Variants in ADAMTS12 observed in about 807,000 individuals in gnomAD.
ADAMTS12 encodes the protein A disintegrin and metalloproteinase with thrombospondin motifs 12.
ADAMTS12 carries 118 observed loss-of-function variants against 167.8 expected under a neutral mutation model. The observed-to-expected ratio is 0.70, with a 90% CI of 0.61 to 0.82. The LOEUF is 0.82. ADAMTS12 is among the 40% of genes least tolerant of loss of function. ADAMTS12 has a pLI of 0.00. For synonymous variants in ADAMTS12, 704 were observed against 716.9 expected (o/e 0.98, Z 0.29); for missense variants, 1,916 against 1,998.8 (o/e 0.96, Z 0.79).
At chr5:33,844,442 T>G (rs1352890453) in intron 2 of ADAMTS12, among the ~76,000 whole-genome samples, 2 of 152,156 alleles carry the variant, frequency 1.3e-5, no homozygotes, top group Non-Finnish European at 2.9e-5. Context: ...AAATGGCCCC[T>G]TTGGGTATGG....
chr5:33,812,681 C>T (rs1747505379), intron 2 of ADAMTS12, among the ~76,000 whole-genome samples: 1 of 152,210 alleles, frequency 6.6e-6, no homozygotes, highest in African/African-American at 2.4e-5. Flanking sequence ...GAATCATCCA[C>T]ATTGTTAAAT....
chr5:33,619,644 T>C (rs1739208024), intron 14 of ADAMTS12, among the ~76,000 whole-genome samples: 1 of 152,190 alleles, frequency 6.6e-6, no homozygotes, highest in Non-Finnish European at 1.5e-5. Context: ...AGTTGTCATA[T>C]AATAACTTTG....
intron 3 of ADAMTS12, among the ~76,000 whole-genome samples, chr5:33,715,706 A>G (rs775935140): frequency 6.6e-6 from 1 of 152,166 alleles, no homozygotes; most frequent in Non-Finnish European, 1.5e-5. Context: ...TGAATCCCAC[A>G]AAGAACGCAA....
intron 2 of ADAMTS12, among the ~76,000 whole-genome samples, chr5:33,835,978 G>A (rs1390905841): frequency 1.5e-5 from 2 of 137,526 alleles, no homozygotes; most frequent in Non-Finnish European, 3.0e-5. Context: ...TGTCCATCTG[G>A]GCAGTTTATG....
At position 33,525,713 on chromosome 5, in the gene ADAMTS12, T is replaced by A. The variant is rs537738192; in HGVS notation, c.*1475A>T. ...GAGGAGTATTAAGTGTATCTGTGCA[T>A]GAGTCAGAAAATATGCTGCCCATCA... On this transcript the variant is annotated 3_prime_UTR_variant, in exon 24 of 24. Transcript: ENST00000504830. The A allele has an allele frequency of 6.6e-6, 1 of 152,318 alleles. No individual in the cohort carries two copies. Among genetic ancestry groups the A allele is most frequent in the African/African-American group, 2.4e-5 (1 of 41,564 alleles). The allele number at this position is 152,318 out of a possible 1,614,324, so 9.4% of individuals were successfully genotyped here.
chr5:33,707,237 A>G (rs1743234527), intron 3 of ADAMTS12, among the ~76,000 whole-genome samples: 2 of 152,162 alleles, frequency 1.3e-5, no homozygotes, highest in South Asian at 2.1e-4. Flanking sequence ...TAAGAATCCA[A>G]CTTACAAGGG....
intron 2 of ADAMTS12, among the ~76,000 whole-genome samples, chr5:33,792,567 A>G (rs1290283571): frequency 6.6e-6 from 1 of 152,212 alleles, no homozygotes; most frequent in Non-Finnish European, 1.5e-5. Flanking sequence ...AGCCTGGCAC[A>G]AGTGTTAAGC....
intron 12 of ADAMTS12, among the ~76,000 whole-genome samples, chr5:33,636,202 G>A (rs1342406740): frequency 1.3e-5 from 2 of 152,154 alleles, no homozygotes; most frequent in East Asian, 1.9e-4. Flanking sequence ...GGGGGATCCC[G>A]TACTAAGCAC....
intron 2 of ADAMTS12, among the ~76,000 whole-genome samples, chr5:33,837,111 A>C (rs1009586772): frequency 6.6e-6 from 1 of 152,194 alleles, no homozygotes; most frequent in African/African-American, 2.4e-5. Context: ...GACAAGCCCC[A>C]CTGTGTGCTT....
intron 22 of ADAMTS12, among the ~76,000 whole-genome samples, chr5:33,543,468 A>G (rs1019351632): frequency 1.3e-5 from 2 of 152,224 alleles, no homozygotes; most frequent in African/African-American, 4.8e-5. Context: ...TTCTGAAACT[A>G]TTCCAATCAA....
chr5:33,827,707 CAA>C (rs1748134078), intron 2 of ADAMTS12, among the ~76,000 whole-genome samples: 3 of 56,676 alleles, frequency 5.3e-5, no homozygotes, highest in Non-Finnish European at 1.2e-4. Context: ...TTGGAGAAAA[CAA>C]AATAGATAGA....
chr5:33,677,750 T>G (rs981574668), intron 5 of ADAMTS12, among the ~76,000 whole-genome samples: 4 of 152,176 alleles, frequency 2.6e-5, no homozygotes, highest in South Asian at 4.1e-4. Flanking sequence ...GCCCATGGTT[T>G]CTTAATATGT....
In ADAMTS12 at chr5:33,683,978, A is replaced by G; in HGVS notation, c.712T>C (p.Ser238Pro). The G allele has an allele frequency of 1.2e-6, 2 of 1,612,518 alleles. No individual in the cohort carries two copies. The highest frequency in any genetic ancestry group is 8.5e-7 in the Non-Finnish European group (1 of 1,179,396). The change falls in exon 4 of 24, where the codon TCT (serine) becomes CCT (proline). Residue 238 changes from serine (S) to proline (P), a missense_variant. Transcript: ENST00000504830. The stretch of plus-strand genomic sequence containing the variant: ...CTCTCCTTGCTGATGGAACGCCGAG[A>G]GAGGCTTCTGCTTGGCAAGTTGTGC... ...ERHNLPSRSL[S>P]RRSISKERWV...
At chr5:33,724,568 T>C (rs1317986999) in intron 3 of ADAMTS12, among the ~76,000 whole-genome samples, 4 of 150,008 alleles carry the variant, frequency 2.7e-5, no homozygotes, top group African/African-American at 1.0e-4. Flanking sequence ...TTTTTTTAAT[T>C]TGAGATGGAG....
intron 2 of ADAMTS12, among the ~76,000 whole-genome samples, chr5:33,796,512 C>A (rs1277039297): frequency 1.3e-5 from 2 of 152,184 alleles, no homozygotes; most frequent in Non-Finnish European, 2.9e-5. Flanking sequence ...AAAGGTGTTG[C>A]TCACTGACAT....
At chr5:33,741,499 C>A (rs1292205760) in intron 3 of ADAMTS12, among the ~76,000 whole-genome samples, 2 of 152,164 alleles carry the variant, frequency 1.3e-5, no homozygotes, top group Non-Finnish European at 2.9e-5. Flanking sequence ...CTGTCACATT[C>A]TGAGGTCCTG....
chr5:33,811,910 A>G (rs1474626153), intron 2 of ADAMTS12, among the ~76,000 whole-genome samples: 5 of 152,176 alleles, frequency 3.3e-5, no homozygotes, highest in African/African-American at 1.2e-4. Flanking sequence ...AGCCAGCCAG[A>G]TTTACAGATG....
chr5:33,653,472 T>C (rs1461408672), intron 7 of ADAMTS12, among the ~76,000 whole-genome samples: 2 of 152,150 alleles, frequency 1.3e-5, no homozygotes, highest in African/African-American at 2.4e-5. Flanking sequence ...TGTTCTTTAG[T>C]TTTCTCTTTT....
At chr5:33,699,024 G>A (rs1182060918) in intron 3 of ADAMTS12, among the ~76,000 whole-genome samples, 1 of 152,172 alleles carries the variant, frequency 6.6e-6, no homozygotes, top group Non-Finnish European at 1.5e-5. Context: ...AGGTGTGGTG[G>A]TGGGCACCTG....
Sources: gnomAD v4.1 joint callset for allele counts (sites outside exome capture counted in the v4.1 genomes callset) on GRCh38, gnomAD v4.1.1 for gene constraint, MANE v1.5 for transcripts, NCBI Gene and HGNC (gene_info 2026-07-23, HGNC 2026-07-21) for gene names.